ATRNL1: variants seen among roughly 807,000 people sequenced by gnomAD.
ATRNL1 encodes attractin like 1, also known as attractin-like protein 1.
In ATRNL1, 95 loss-of-function variants were observed where a neutral mutation model predicts 182.7. The observed-to-expected ratio is 0.52, with a 90% CI of 0.44 to 0.62. ATRNL1 has a LOEUF of 0.62. ATRNL1 is among the 20% of genes least tolerant of loss of function. The probability of loss-of-function intolerance (pLI) is 0.00; values close to 1 mark genes in which losing one functional copy is unlikely to be tolerated. For missense variants in ATRNL1, 1,471 were observed against 1,679.5 expected, an observed-to-expected ratio of 0.88 and a Z score of 2.17; for synonymous variants, 576 against 568.3, an observed-to-expected ratio of 1.01 and a Z score of -0.19.
intron 8 of ATRNL1, among the ~76,000 whole-genome samples, chr10:115,210,274 C>G (rs1246913210): frequency 6.6e-6 from 1 of 151,940 alleles, no homozygotes; most frequent in African/African-American, 2.4e-5. Context: ...GTGTAACATC[C>G]TAAGTCTAGA....
At chr10:115,881,052 C>T (rs2134440486) in intron 28 of ATRNL1, among the ~76,000 whole-genome samples, 1 of 152,272 alleles carries the variant, frequency 6.6e-6, no homozygotes, top group South Asian at 2.1e-4. Context: ...TGGAGCTGTC[C>T]TGGGGCCTGT....
intron 15 of ATRNL1, among the ~76,000 whole-genome samples, chr10:115,286,822 G>C (rs560988002): frequency 6.6e-6 from 1 of 152,020 alleles, no homozygotes; most frequent in South Asian, 2.1e-4. Context: ...GTATGGTTGT[G>C]TCTGTACTGA....
chr10:115,432,044 A>T (rs1030055930), intron 21 of ATRNL1, among the ~76,000 whole-genome samples: 1 of 152,176 alleles, frequency 6.6e-6, no homozygotes, highest in Non-Finnish European at 1.5e-5. Flanking sequence ...TGTGAGCCTC[A>T]TATGTAATTT....
chr10:115,262,065 A>G (rs782740503), intron 10 of ATRNL1, among the ~76,000 whole-genome samples: 3 of 152,092 alleles, frequency 2.0e-5, no homozygotes, highest in Non-Finnish European at 4.4e-5. Flanking sequence ...AACAGATGAA[A>G]ATACAAGAAA....
intron 26 of ATRNL1, among the ~76,000 whole-genome samples, chr10:115,694,941 GCACACA>G (rs10580753): frequency 4.9e-4 from 71 of 144,904 alleles, no homozygotes; most frequent in African/African-American, 1.4e-3. Context: ...ATGCACACAC[GCACACA>G]CACACACACA....
intron 25 of ATRNL1, among the ~76,000 whole-genome samples, chr10:115,539,500 T>C (rs916992933): frequency 3.9e-5 from 6 of 152,142 alleles, no homozygotes; most frequent in African/African-American, 1.4e-4. Flanking sequence ...TTGCCATTTT[T>C]CCCCTTTAGT....
At chr10:115,594,931 G>C (rs1370911073) in intron 26 of ATRNL1, among the ~76,000 whole-genome samples, 1 of 152,178 alleles carries the variant, frequency 6.6e-6, no homozygotes, top group Non-Finnish European at 1.5e-5. Flanking sequence ...CAAGTCTCTA[G>C]TCATAAGTTT....
intron 28 of ATRNL1, among the ~76,000 whole-genome samples, chr10:115,922,850 A>G (rs1555119028): frequency 6.6e-6 from 1 of 152,218 alleles, no homozygotes; most frequent in African/African-American, 2.4e-5. Context: ...AAATAAATTT[A>G]TTTCTATAGA....
chr10:115,279,119 A>G (rs4471345), intron 13 of ATRNL1, among the ~76,000 whole-genome samples: 144,731 of 151,240 alleles, frequency 0.96, 69,270 homozygotes, highest in East Asian at 1. Flanking sequence ...GGACAATGGC[A>G]TGAACCCGAG....
At chr10:115,714,328 A>G (rs1261677270) in intron 26 of ATRNL1, among the ~76,000 whole-genome samples, 1 of 127,734 alleles carries the variant, frequency 7.8e-6, no homozygotes, top group Non-Finnish European at 1.7e-5. Flanking sequence ...ATTGGGTGAA[A>G]AGAAAAAAAA....
intron 26 of ATRNL1, among the ~76,000 whole-genome samples, chr10:115,710,785 A>G (rs1555054288): frequency 1.3e-5 from 2 of 152,122 alleles, no homozygotes; most frequent in Non-Finnish European, 2.9e-5. Flanking sequence ...GTGGCAAGAG[A>G]GCTAAAATAA....
chr10:115,288,706 G>C (rs1554919931), intron 15 of ATRNL1, among the ~76,000 whole-genome samples: 1 of 151,838 alleles, frequency 6.6e-6, no homozygotes, highest in African/African-American at 2.4e-5. Flanking sequence ...ATTTTTAGTA[G>C]AGACAGGGTT....
intron 21 of ATRNL1, among the ~76,000 whole-genome samples, chr10:115,457,105 A>G (rs1554968879): frequency 6.6e-6 from 1 of 152,088 alleles, no homozygotes; most frequent in East Asian, 1.9e-4. Context: ...TCTCGTGACC[A>G]TGAGGAATAA....
chr10:115,370,853 T>G (rs1456837004), intron 19 of ATRNL1, among the ~76,000 whole-genome samples: 1 of 152,160 alleles, frequency 6.6e-6, no homozygotes, highest in Non-Finnish European at 1.5e-5. Context: ...CCAGGGCATG[T>G]CAGGGAACTT....
intron 26 of ATRNL1, among the ~76,000 whole-genome samples, chr10:115,560,048 C>T (rs1233299334): frequency 1.3e-5 from 2 of 152,022 alleles, no homozygotes; most frequent in Admixed American, 6.5e-5. Context: ...GTTCAGGATG[C>T]CAGAGCAATA....
At chr10:115,661,610 A>T (rs1860689094) in intron 26 of ATRNL1, among the ~76,000 whole-genome samples, 2 of 152,080 alleles carry the variant, frequency 1.3e-5, no homozygotes, top group Admixed American at 1.3e-4. Flanking sequence ...GATTGATTAT[A>T]TTTGAAGAGA....
At chr10:115,736,045 A>G (rs1177555511) in intron 27 of ATRNL1, among the ~76,000 whole-genome samples, 4 of 151,740 alleles carry the variant, frequency 2.6e-5, no homozygotes, top group Non-Finnish European at 4.4e-5. Flanking sequence ...CCTACTTGGC[A>G]TATTTTGTGC....
chr10:115,683,388 A>G lies in ATRNL1; in HGVS notation c.3796-43860A>G, dbSNP rs1055369175. Among the ~76,000 whole-genome samples the G allele has an allele frequency of 2.6e-5, 4 of 151,996 alleles. No homozygotes were observed. In the East Asian group the frequency reaches 7.7e-4, roughly 29 times the overall value. ...AATTTATTGCCACTTAATTTCTCAA[A>G]CATTAAGTTAATTTCATTATCTGTA... On this transcript the variant is annotated intron_variant, in intron 26 of 28. Transcript: ENST00000355044.
At position 115,129,466 on chromosome 10, in the gene ATRNL1, G is replaced by A. The variant is rs201213434; in HGVS notation, c.760G>A (p.Gly254Ser). ...TATTCCTTACTGTAAAGCCAATTGC[G>A]GCAGTCCAGATCACGGTTACTGTGA... ...CDIPYCKANCGSPDHGYCDLT... is the reference protein window; with the variant it reads ...CDIPYCKANCSSPDHGYCDLT... Residue 254 changes from glycine to serine, a missense_variant, in exon 5 of 29, where the codon GGC becomes AGC. Gly to Ser is a moderately conservative substitution (Grantham distance 56). Coordinates refer to ENST00000355044, the MANE Select transcript of ATRNL1 (RefSeq NM_207303.4). 1.4e-5 allele frequency: 22 copies of A among 1,613,906 alleles called. No individual in the cohort carries two copies. Among genetic ancestry groups the A allele is most frequent in the Admixed American group, 1.3e-4 (8 of 59,986 alleles).
Sources: gnomAD v4.1 joint callset for allele counts (sites outside exome capture counted in the v4.1 genomes callset) on GRCh38, gnomAD v4.1.1 for gene constraint, MANE v1.5 for transcripts, NCBI Gene and HGNC (gene_info 2026-07-23, HGNC 2026-07-21) for gene names.